Variants in AOPEP observed in about 807,000 individuals in gnomAD.
AOPEP encodes aminopeptidase O (putative), also known as aminopeptidase O.
A neutral mutation model predicts 98.1 loss-of-function variants in AOPEP; 77 were observed. The observed-to-expected ratio is 0.78, with a 90% confidence interval of 0.65 to 0.95. The LOEUF (loss-of-function observed/expected upper bound fraction) is 0.95, where lower values mean the gene tolerates loss of function less well. Among genes scored for constraint, AOPEP ranks in the 40% least tolerant of loss-of-function variants. The probability of loss-of-function intolerance (pLI) is 0.00; values close to 1 mark genes in which losing one functional copy is unlikely to be tolerated. For missense variants in AOPEP, 1,024 were observed against 1,024.7 expected, an observed-to-expected ratio of 1.00 and a Z score of 0.01; for synonymous variants, 346 against 365.3, an observed-to-expected ratio of 0.95 and a Z score of 0.60.
chr9:94,937,296 A>G (rs933680555), intron 7 of AOPEP, among the ~76,000 whole-genome samples: 2 of 152,204 alleles, frequency 1.3e-5, no homozygotes, highest in African/African-American at 4.8e-5. Context: ...CAAAAACCAA[A>G]TATACACTCC....
intron 13 of AOPEP, among the ~76,000 whole-genome samples, chr9:95,030,780 A>G (rs1289136110): frequency 1.3e-5 from 2 of 152,200 alleles, no homozygotes; most frequent in Non-Finnish European, 2.9e-5. Context: ...TTGTAGGCGC[A>G]ATATGGAAAT....
At chr9:94,951,845 TGTG>T (rs1335701578) in intron 7 of AOPEP, among the ~76,000 whole-genome samples, 2 of 152,196 alleles carry the variant, frequency 1.3e-5, no homozygotes, top group African/African-American at 4.8e-5. Flanking sequence ...CCACCAGGCT[TGTG>T]GGGAAGAGGT....
chr9:94,802,915 A>G (rs989936267), intron 5 of AOPEP, among the ~76,000 whole-genome samples: 1 of 152,064 alleles, frequency 6.6e-6, no homozygotes, highest in Non-Finnish European at 1.5e-5. Flanking sequence ...TCTGGCTTCA[A>G]TTGATTCTGC....
At chr9:94,738,810 G>T (rs1313222443) in intron 1 of AOPEP, among the ~76,000 whole-genome samples, 1 of 151,974 alleles carries the variant, frequency 6.6e-6, no homozygotes, top group South Asian at 2.1e-4. Context: ...TCCTGACTTC[G>T]TGATCCGCCC....
chr9:94,787,898 G>A (rs1051987857), intron 3 of AOPEP, among the ~76,000 whole-genome samples: 1 of 151,954 alleles, frequency 6.6e-6, no homozygotes, highest in Non-Finnish European at 1.5e-5. Flanking sequence ...TTACCTGCAT[G>A]TCCTTCAGTA....
the AOPEP span, chr9:95,125,040 G>A: frequency 1.1e-4 from 168 of 1,495,590 alleles, no homozygotes; most frequent in South Asian, 3.7e-4. Context: ...TCTCAACAGC[G>A]TCTTATTCTC....
At chr9:94,763,863 A>G (rs1431081153) in intron 2 of AOPEP, among the ~76,000 whole-genome samples, 4 of 152,216 alleles carry the variant, frequency 2.6e-5, no homozygotes, top group African/African-American at 9.6e-5. Flanking sequence ...TGATGTGAAT[A>G]AACGATTGAA....
chr9:95,026,945 T>C (rs181068579), intron 13 of AOPEP, among the ~76,000 whole-genome samples: 3 of 152,332 alleles, frequency 2.0e-5, no homozygotes, highest in Non-Finnish European at 2.9e-5. Context: ...TTACAGTTTT[T>C]CAAGCATTGT....
chr9:94,982,565 C>CTT (rs532615813), intron 11 of AOPEP, among the ~76,000 whole-genome samples: 1,440 of 134,538 alleles, frequency 0.011, 27 homozygotes, highest in East Asian at 0.037. Context: ...AAGAGCAATA[C>CTT]TTTTTTTTTT....
intron 7 of AOPEP, among the ~76,000 whole-genome samples, chr9:94,936,400 G>A (rs2056284554): frequency 6.6e-6 from 1 of 152,104 alleles, no homozygotes; most frequent in South Asian, 2.1e-4. Context: ...AGTTACTAAA[G>A]GCCAACATAA....
chr9:94,849,409 A>C (rs1178027211), intron 5 of AOPEP, among the ~76,000 whole-genome samples: 1 of 152,086 alleles, frequency 6.6e-6, no homozygotes, highest in Non-Finnish European at 1.5e-5. Context: ...TGTTATCTTA[A>C]TATACTTTCC....
At chr9:94,956,677 G>T (rs2058480902) in intron 9 of AOPEP, among the ~76,000 whole-genome samples, 1 of 152,238 alleles carries the variant, frequency 6.6e-6, no homozygotes, top group Non-Finnish European at 1.5e-5. Flanking sequence ...TGGGCATGGG[G>T]CCAAGCAGCA....
At chr9:95,135,941 G>C in the AOPEP span, among the ~76,000 whole-genome samples, 3 of 152,198 alleles carry the variant, frequency 2.0e-5, no homozygotes, top group Admixed American at 6.5e-5. Flanking sequence ...TGATCTCAGA[G>C]AAGTTAACCT....
intron 5 of AOPEP, among the ~76,000 whole-genome samples, chr9:94,862,991 A>G (rs374395819): frequency 2.4e-4 from 36 of 152,354 alleles, no homozygotes; most frequent in African/African-American, 7.5e-4. Context: ...TAAAGTCTAC[A>G]TGGACTTGTT....
chr9:95,086,691 C>T lies in AOPEP; in HGVS notation c.*14C>T. On this transcript the variant is annotated 3_prime_UTR_variant, in exon 17 of 17. Transcript: ENST00000375315. ...GCTGTTTCCTTTGCAGGAAAGACCA[C>T]AGCAAGATTCTTTCATTCGTCTCCT... is the stretch of plus-strand genomic sequence containing the variant. The T allele has an allele frequency of 1.0e-6, 1 of 988,184 alleles. No homozygotes were observed. Among genetic ancestry groups the T allele is most frequent in the Non-Finnish European group, 1.2e-6 (1 of 830,570 alleles). The allele number at this position is 988,184 out of a possible 1,614,324, so 61.2% of individuals were successfully genotyped here.
intron 11 of AOPEP, chr9:95,004,147 G>C: frequency 2.2e-6 from 1 of 450,136 alleles, no homozygotes; most frequent in Non-Finnish European, 4.4e-6. Flanking sequence ...GGATGGTCAA[G>C]ACCCAGCAAG....
intron 9 of AOPEP, 150 bp downstream of exon 9, chr9:94,956,165 A>C: frequency 1.8e-6 from 1 of 563,880 alleles, no homozygotes; most frequent in Non-Finnish European, 3.2e-6. Context: ...GGACACAAAG[A>C]AAGGGTTGCT....
chr9:95,026,710 C>T (rs1237370932), intron 13 of AOPEP, among the ~76,000 whole-genome samples: 1 of 152,144 alleles, frequency 6.6e-6, no homozygotes, highest in Non-Finnish European at 1.5e-5. Flanking sequence ...ACCTAGGAGT[C>T]ACGTAAGTTG....
At chr9:94,771,348 A>C (rs1840828479) in intron 2 of AOPEP, among the ~76,000 whole-genome samples, 1 of 152,166 alleles carries the variant, frequency 6.6e-6, no homozygotes, top group African/African-American at 2.4e-5. Context: ...CGTGACTCAG[A>C]AGTTGAGGAG....
Sources: gnomAD v4.1 joint callset for allele counts (sites outside exome capture counted in the v4.1 genomes callset) on GRCh38, gnomAD v4.1.1 for gene constraint, MANE v1.5 for transcripts, NCBI Gene and HGNC (gene_info 2026-07-23, HGNC 2026-07-21) for gene names.